Variants in CTNNA2 observed in about 807,000 individuals in gnomAD.
CTNNA2 encodes catenin alpha-2.
CTNNA2 carries 42 observed loss-of-function variants against 101.0 expected under a neutral mutation model. The observed-to-expected ratio is 0.42, with a 90% CI of 0.32 to 0.54. CTNNA2 has a LOEUF of 0.54. Among genes scored for constraint, CTNNA2 ranks in the 20% least tolerant of loss-of-function variants. The pLI, the probability that CTNNA2 is intolerant of heterozygous loss-of-function variation, is 0.14. For missense variants in CTNNA2, 871 were observed against 1,223.1 expected, an observed-to-expected ratio of 0.71 and a Z score of 4.29; for synonymous variants, 450 against 456.4, an observed-to-expected ratio of 0.99 and a Z score of 0.18.
At chr2:79,270,544 A>T (rs958649377) in intron 2 of CTNNA2, among the ~76,000 whole-genome samples, 6 of 152,036 alleles carry the variant, frequency 3.9e-5, no homozygotes, top group Non-Finnish European at 8.8e-5. Flanking sequence ...ACATGGCAGC[A>T]ATTGCACAGG....
intron 6 of CTNNA2, among the ~76,000 whole-genome samples, chr2:79,880,859 A>G (rs1683375723): frequency 6.6e-6 from 1 of 151,860 alleles, no homozygotes; most frequent in Non-Finnish European, 1.5e-5. Flanking sequence ...ATATTCTGCT[A>G]GCTATTGGAT....
chr2:79,513,729 T>A (rs574857608), intron 1 of CTNNA2, among the ~76,000 whole-genome samples: 70 of 150,538 alleles, frequency 4.6e-4, no homozygotes, highest in African/African-American at 1.5e-3. Context: ...ATTTGTGCTA[T>A]ATTAGGGTGG....
At chr2:80,550,508 T>C (rs1692473448) in intron 11 of CTNNA2, among the ~76,000 whole-genome samples, 1 of 152,252 alleles carries the variant, frequency 6.6e-6, no homozygotes, top group South Asian at 2.1e-4. Context: ...GTAGAACTTC[T>C]TTCAAATTGG....
chr2:79,760,605 A>T (rs1672725637), intron 3 of CTNNA2, among the ~76,000 whole-genome samples: 1 of 152,296 alleles, frequency 6.6e-6, no homozygotes, highest in East Asian at 1.9e-4. Context: ...TATCTACAAA[A>T]TGTCTAGAAA....
chr2:79,224,275 T>C (rs370699372), intron 2 of CTNNA2, among the ~76,000 whole-genome samples: 2 of 152,314 alleles, frequency 1.3e-5, no homozygotes, highest in Admixed American at 6.5e-5. Flanking sequence ...ATGAATCTGT[T>C]AATTTTACCA....
chr2:80,338,296 C>CTTTTTTTTTTT (rs201060579), intron 7 of CTNNA2, among the ~76,000 whole-genome samples: 1 of 125,630 alleles, frequency 8.0e-6, no homozygotes, highest in African/African-American at 3.6e-5. Flanking sequence ...GCCTTTTTTT[C>CTTTTTTTTTTT]TTTTTCTTTT....
intron 7 of CTNNA2, among the ~76,000 whole-genome samples, chr2:80,004,567 A>G (rs2103979096): frequency 6.6e-6 from 1 of 152,328 alleles, no homozygotes; most frequent in Non-Finnish European, 1.5e-5. Context: ...CATAGGGGCT[A>G]TCATCATCTT....
chr2:79,382,269 G>A (rs1213061143), intron 4 of CTNNA2, among the ~76,000 whole-genome samples: 1 of 151,956 alleles, frequency 6.6e-6, no homozygotes, highest in Admixed American at 6.5e-5. Flanking sequence ...GGCTTGGACT[G>A]GAACTACCCC....
intron 2 of CTNNA2, among the ~76,000 whole-genome samples, chr2:79,726,684 T>A (rs1389531580): frequency 2.0e-5 from 3 of 152,200 alleles, no homozygotes; most frequent in African/African-American, 7.2e-5. Context: ...AGAATAATAA[T>A]GTACACTTTA....
chr2:80,440,884 G>T (rs970792391), intron 9 of CTNNA2, among the ~76,000 whole-genome samples: 4 of 152,120 alleles, frequency 2.6e-5, no homozygotes, highest in African/African-American at 9.7e-5. Context: ...AGATAGCATA[G>T]ACTTAATTTT....
At chr2:79,461,341 TC>T (rs1415040631) in intron 4 of CTNNA2, among the ~76,000 whole-genome samples, 1 of 152,234 alleles carries the variant, frequency 6.6e-6, no homozygotes, top group African/African-American at 2.4e-5. Context: ...TTTAAAATCC[TC>T]TTTGCTCTTC....
chr2:80,588,024 A>C (rs754862721), intron 14 of CTNNA2, among the ~76,000 whole-genome samples: 7 of 152,216 alleles, frequency 4.6e-5, no homozygotes, highest in Non-Finnish European at 7.3e-5. Context: ...GTCCTAGGGG[A>C]AATACAGCAG....
At chr2:79,433,177 C>CAAT (rs760942121) in intron 4 of CTNNA2, among the ~76,000 whole-genome samples, 2 of 152,168 alleles carry the variant, frequency 1.3e-5, no homozygotes, top group Non-Finnish European at 2.9e-5. Flanking sequence ...ACTTGCTTCT[C>CAAT]ACTTTGACAG....
intron 4 of CTNNA2, among the ~76,000 whole-genome samples, chr2:79,480,184 C>G (rs1260386737): frequency 1.3e-5 from 2 of 152,024 alleles, no homozygotes; most frequent in East Asian, 3.9e-4. Context: ...CTCTTGAGAA[C>G]TGATGGAGCA....
Position 80,303,937 on chromosome 2 carries a change from A to C in CTNNA2, c.1057-89274A>C, listed in dbSNP as rs1437377272. The C allele has an allele frequency of 8.3e-7, 1 of 1,204,680 alleles. No individual in the cohort carries two copies. The highest frequency in any genetic ancestry group is 1.1e-6 in the Non-Finnish European group (1 of 897,298). 74.6% of individuals were successfully genotyped at this position (1,204,680 alleles called of 1,614,324 possible). ...GGGGGAGGGGGAGAAAAGGGCAAAA[A>C]ATCAAATAAATACATAGAAATAAAG... On this transcript the variant is annotated intron_variant, in intron 7 of 18. Transcript: ENST00000402739. This position sits in a 1 kb window ranked among gnomAD's most constrained non-coding sequence, Gnocchi z 7.7.
intron 1 of CTNNA2, among the ~76,000 whole-genome samples, chr2:79,536,574 A>AGTATGTGT (rs34403615): frequency 0.014 from 2,095 of 146,784 alleles, 46 homozygotes; most frequent in African/African-American, 0.043. Context: ...TCTCTAAAGA[A>AGTATGTGT]GTGTGTGTGT....
At chr2:79,889,856 C>T (rs115934227) in intron 6 of CTNNA2, among the ~76,000 whole-genome samples, 1 of 152,166 alleles carries the variant, frequency 6.6e-6, no homozygotes, top group Non-Finnish European at 1.5e-5. Flanking sequence ...TTTGCTCTCC[C>T]TTGCCTATAG....
At chr2:79,940,354 T>G (rs7572227) in intron 7 of CTNNA2, among the ~76,000 whole-genome samples, 31,121 of 152,188 alleles carry the variant, frequency 0.2, 3,459 homozygotes, top group East Asian at 0.27. Flanking sequence ...TTTGTTGTGT[T>G]TTTAAAGATA....
At chr2:79,230,463 A>T (rs1674475246) in intron 2 of CTNNA2, among the ~76,000 whole-genome samples, 1 of 152,178 alleles carries the variant, frequency 6.6e-6, no homozygotes, top group Non-Finnish European at 1.5e-5. Context: ...AGGTTTGGGA[A>T]CCTCCACCCA....
Sources: allele counts gnomAD v4.1 joint callset (sites outside exome capture counted in the v4.1 genomes callset), GRCh38; gene constraint gnomAD v4.1.1; non-coding constraint Gnocchi (gnomAD v3.1); transcripts MANE v1.5; gene names NCBI Gene and HGNC (gene_info 2026-07-23, HGNC 2026-07-21).